SPATA6: variants seen among roughly 807,000 people sequenced by gnomAD.
SPATA6 encodes the protein spermatogenesis-associated protein 6.
Under a neutral mutation model 65.3 loss-of-function variants are expected in SPATA6, and 56 were observed. That is an observed-to-expected ratio of 0.86 (90% confidence interval 0.69 to 1.07). The LOEUF (loss-of-function observed/expected upper bound fraction) is 1.07, where lower values mean the gene tolerates loss of function less well. Among genes scored for constraint, SPATA6 ranks in the 50% least tolerant of loss-of-function variants. The probability of loss-of-function intolerance (pLI) is 0.00; values close to 1 mark genes in which losing one functional copy is unlikely to be tolerated. For missense variants in SPATA6, 590 were observed against 594.8 expected, an observed-to-expected ratio of 0.99 and a Z score of 0.08; for synonymous variants, 199 against 213.2, an observed-to-expected ratio of 0.93 and a Z score of 0.58.
chr1:48,410,517 C>A (rs766349154), intron 5 of SPATA6, among the ~76,000 whole-genome samples: 1 of 152,164 alleles, frequency 6.6e-6, no homozygotes, highest in Non-Finnish European at 1.5e-5. Context: ...CACACTACCT[C>A]GGTACCAATG....
At chr1:48,337,323 T>G (rs974774677) in intron 11 of SPATA6, among the ~76,000 whole-genome samples, 2 of 151,830 alleles carry the variant, frequency 1.3e-5, no homozygotes, top group African/African-American at 4.8e-5. Context: ...TAAAACCTTA[T>G]ATTTGTAATT....
chr1:48,361,872 G>A (rs1253831802), intron 9 of SPATA6, among the ~76,000 whole-genome samples: 1 of 152,046 alleles, frequency 6.6e-6, no homozygotes, highest in Non-Finnish European at 1.5e-5. Flanking sequence ...CAAATAATAA[G>A]TCAGTGGTCA....
chr1:48,404,204 T>C (rs897463060), intron 5 of SPATA6, among the ~76,000 whole-genome samples: 1 of 152,184 alleles, frequency 6.6e-6, no homozygotes, highest in Non-Finnish European at 1.5e-5. Flanking sequence ...TATATAAACA[T>C]ACTTAATAAA....
chr1:48,390,214 A>G (rs1649907658), intron 8 of SPATA6, among the ~76,000 whole-genome samples: 1 of 152,208 alleles, frequency 6.6e-6, no homozygotes, highest in African/African-American at 2.4e-5. Flanking sequence ...TATATACACA[A>G]TGGAATAATA....
At chr1:48,372,614 T>C (rs1647411151) in intron 9 of SPATA6, among the ~76,000 whole-genome samples, 1 of 152,208 alleles carries the variant, frequency 6.6e-6, no homozygotes, top group African/African-American at 2.4e-5. Context: ...CACCAGGCAG[T>C]GCCCCAGTAG....
chr1:48,347,502 ATAATG>A (rs1442274001), intron 11 of SPATA6, among the ~76,000 whole-genome samples: 2 of 146,462 alleles, frequency 1.4e-5, no homozygotes, highest in Admixed American at 1.4e-4. Flanking sequence ...ATATGTATAT[ATAATG>A]TATATATAAT....
chr1:48,298,802 G>T lies in SPATA6; in HGVS notation c.1378C>A (p.Pro460Thr), dbSNP rs1398097498. 6.2e-7 allele frequency: 1 copy of T among 1,613,986 alleles called. No individual in the cohort carries two copies. Among genetic ancestry groups the T allele is most frequent in the South Asian group, 1.1e-5 (1 of 91,060 alleles). Reference protein sequence around the residue: ...AASYKGKSHRPIFENSMDKMY... With the variant: ...AASYKGKSHRTIFENSMDKMY... ...TTGTCCATGCTGTTCTCAAAGATGG[G>T]TCGGTGGGATTTTCCCTTATAAGAG... Residue 460 changes from proline (P) to threonine (T), a missense_variant, in exon 13 of 13, where the codon CCC (proline) becomes ACC (threonine). Coordinates refer to ENST00000371847, the MANE Select transcript of SPATA6 (RefSeq NM_019073.4).
intron 3 of SPATA6, among the ~76,000 whole-genome samples, chr1:48,418,544 C>CAAAAAAAAAAAAAAA (rs34415296): frequency 8.1e-5 from 4 of 49,680 alleles, no homozygotes; most frequent in East Asian, 9.2e-4. Context: ...CCCATCCCTA[C>CAAAAAAAAAAAAAAA]AAAAAAAAAA....
chr1:48,344,016 T>C (rs1379946804), intron 11 of SPATA6, among the ~76,000 whole-genome samples: 1 of 152,094 alleles, frequency 6.6e-6, no homozygotes, highest in Non-Finnish European at 1.5e-5. Flanking sequence ...AATAGGTTTA[T>C]ACCCAAATAT....
At chr1:48,366,326 A>T (rs887332739) in intron 9 of SPATA6, among the ~76,000 whole-genome samples, 31 of 152,142 alleles carry the variant, frequency 2.0e-4, no homozygotes, top group African/African-American at 6.3e-4. Context: ...GTTAGGGAGG[A>T]TTCCCTCTTT....
intron 3 of SPATA6, among the ~76,000 whole-genome samples, chr1:48,417,039 A>T (rs1423404337): frequency 6.6e-6 from 1 of 152,190 alleles, no homozygotes; most frequent in African/African-American, 2.4e-5. Flanking sequence ...AAAGAGTAAG[A>T]CATACACTTC....
intron 11 of SPATA6, among the ~76,000 whole-genome samples, chr1:48,334,579 C>A (rs184111342): frequency 1.3e-5 from 2 of 152,192 alleles, no homozygotes; most frequent in Admixed American, 1.3e-4. Context: ...TGATAAAATT[C>A]AACAATCCTT....
intron 9 of SPATA6, among the ~76,000 whole-genome samples, chr1:48,372,700 C>T (rs992165448): frequency 5.9e-5 from 9 of 152,246 alleles, no homozygotes; most frequent in African/African-American, 2.2e-4. Flanking sequence ...CAGCAAATTT[C>T]TGCCTGGGCA....
intron 3 of SPATA6, among the ~76,000 whole-genome samples, chr1:48,415,498 T>A (rs374440958): frequency 1.3e-5 from 2 of 151,994 alleles, no homozygotes; most frequent in African/African-American, 4.8e-5. Flanking sequence ...AAAGAAATAG[T>A]ATAGATTGAA....
chr1:48,452,232 A>C (rs1656633750), intron 2 of SPATA6, among the ~76,000 whole-genome samples: 1 of 152,158 alleles, frequency 6.6e-6, no homozygotes, highest in Non-Finnish European at 1.5e-5. Context: ...AGAAAGACGG[A>C]AAAAGGGAAG....
At chr1:48,438,349 T>C (rs982913124) in intron 3 of SPATA6, among the ~76,000 whole-genome samples, 3 of 152,138 alleles carry the variant, frequency 2.0e-5, no homozygotes, top group African/African-American at 7.2e-5. Flanking sequence ...TCCTTAGAAT[T>C]TGGGGGCTAA....
At chr1:48,388,411 G>C (rs529868661) in intron 8 of SPATA6, among the ~76,000 whole-genome samples, 1 of 152,224 alleles carries the variant, frequency 6.6e-6, no homozygotes, top group Admixed American at 6.5e-5. Flanking sequence ...AGATATCAAT[G>C]TAAGGACAAA....
chr1:48,336,236 C>T (rs1257977431), intron 11 of SPATA6, among the ~76,000 whole-genome samples: 2 of 151,876 alleles, frequency 1.3e-5, no homozygotes, highest in Non-Finnish European at 2.9e-5. Context: ...TTCTCAAAAA[C>T]CTAAAACAGA....
In SPATA6 at chr1:48,395,441, C is replaced by A. The variant is rs570975910; in HGVS notation, c.781-87G>T. 7.1e-5 allele frequency: 59 copies of A among 833,832 alleles called. No individual in the cohort carries two copies. In the South Asian group the frequency reaches 1.9e-3, roughly 27 times the overall value. The allele number at this position is 833,832 out of a possible 1,614,324, so 51.7% of individuals were successfully genotyped here. On this transcript the variant is annotated intron_variant, in intron 7 of 12. Coordinates refer to ENST00000371847, the MANE Select transcript of SPATA6 (RefSeq NM_019073.4). ...TGGTACCAGAAAAACTACTAGAGTA[C>A]AGAGAGCATATATAATCAGGGAAAC...
Sources: allele counts gnomAD v4.1 joint callset (sites outside exome capture counted in the v4.1 genomes callset), GRCh38; gene constraint gnomAD v4.1.1; transcripts MANE v1.5; gene names NCBI Gene and HGNC (gene_info 2026-07-23, HGNC 2026-07-21).